The following EHBP1 variants were observed in gnomAD, a reference collection of about 807,000 sequenced individuals.
EHBP1 encodes EH domain binding protein 1.
In EHBP1, 55 loss-of-function variants were observed where a neutral mutation model predicts 144.0. The observed-to-expected ratio is 0.38, with a 90% CI of 0.31 to 0.48. EHBP1 has a LOEUF of 0.48. Ranked by LOEUF, EHBP1 falls within the 20% of genes least tolerant of loss-of-function variation. EHBP1 has a pLI of 0.98. For synonymous variants in EHBP1, 469 were observed against 472.7 expected (o/e 0.99, Z 0.10); for missense variants, 1,200 against 1,364.2 (o/e 0.88, Z 1.90).
chr2:62,765,226 A>G (rs985816904), intron 4 of EHBP1, among the ~76,000 whole-genome samples: 2 of 152,102 alleles, frequency 1.3e-5, no homozygotes, highest in East Asian at 3.8e-4. Flanking sequence ...AATGAACATC[A>G]TTGCTGCTTA....
At chr2:62,726,919 G>A (rs562012425) in intron 2 of EHBP1, among the ~76,000 whole-genome samples, 2 of 151,926 alleles carry the variant, frequency 1.3e-5, no homozygotes, top group South Asian at 4.1e-4. Flanking sequence ...CTGGAGTGCA[G>A]TGGTGCGATC....
intron 10 of EHBP1, among the ~76,000 whole-genome samples, chr2:62,925,439 A>G (rs1280029156): frequency 6.6e-6 from 1 of 152,140 alleles, no homozygotes; most frequent in African/African-American, 2.4e-5. Flanking sequence ...TTATATGTAG[A>G]AAAACCAGAA....
chr2:62,836,208 G>A (rs1237251310), intron 7 of EHBP1, among the ~76,000 whole-genome samples: 1 of 152,070 alleles, frequency 6.6e-6, no homozygotes, highest in Admixed American at 6.5e-5. Flanking sequence ...AGCCTAACTG[G>A]GAGGCACCCC....
chr2:62,695,744 A>T (rs2034065208), intron 1 of EHBP1, among the ~76,000 whole-genome samples: 1 of 152,076 alleles, frequency 6.6e-6, no homozygotes, highest in African/African-American at 2.4e-5. Context: ...ACAGAGTCTC[A>T]CTCTGTCTCC....
intron 5 of EHBP1, among the ~76,000 whole-genome samples, chr2:62,780,528 AT>A (rs1317867866): frequency 6.6e-6 from 1 of 152,036 alleles, no homozygotes; most frequent in Non-Finnish European, 1.5e-5. Flanking sequence ...TAATTCAGAA[AT>A]TTTTCAGATT....
chr2:62,987,955 A>C (rs1425363438), intron 15 of EHBP1: 23 of 1,596,906 alleles, frequency 1.4e-5, no homozygotes, highest in Non-Finnish European at 2.0e-5. Context: ...ATTGAGATAG[A>C]TACTAACGAG....
intron 1 of EHBP1, among the ~76,000 whole-genome samples, chr2:62,693,223 T>C (rs924366252): frequency 2.0e-5 from 3 of 152,192 alleles, no homozygotes; most frequent in African/African-American, 7.2e-5. Context: ...TAGTACTCCA[T>C]TGTGTATAAC....
At chr2:62,743,208 A>G (rs987660680) in intron 2 of EHBP1, among the ~76,000 whole-genome samples, 1 of 152,126 alleles carries the variant, frequency 6.6e-6, no homozygotes, top group Non-Finnish European at 1.5e-5. Flanking sequence ...ATTTTCTAGT[A>G]AATAGACATA....
chr2:62,719,423 A>G (rs1263437353), intron 2 of EHBP1, among the ~76,000 whole-genome samples: 3 of 151,826 alleles, frequency 2.0e-5, no homozygotes, highest in Non-Finnish European at 4.4e-5. Flanking sequence ...CCTTGTTTCC[A>G]TCCTTTGCTG....
chr2:62,752,371 C>T (rs999806127), intron 3 of EHBP1, among the ~76,000 whole-genome samples: 1 of 152,160 alleles, frequency 6.6e-6, no homozygotes, highest in East Asian at 1.9e-4. Flanking sequence ...TGTTCTTTTA[C>T]ATTTGCTGAG....
intron 3 of EHBP1, among the ~76,000 whole-genome samples, chr2:62,762,581 A>G (rs1226478426): frequency 1.3e-5 from 2 of 152,158 alleles, no homozygotes; most frequent in Non-Finnish European, 2.9e-5. Context: ...CCTTTCTTCT[A>G]TAAGGTAGAA....
chr2:62,756,438 A>T (rs1297424023), intron 3 of EHBP1, among the ~76,000 whole-genome samples: 1 of 152,168 alleles, frequency 6.6e-6, no homozygotes, highest in Admixed American at 6.6e-5. Context: ...TTCTTGTGAA[A>T]AGTTAGTATG....
intron 5 of EHBP1, among the ~76,000 whole-genome samples, chr2:62,792,822 G>A (rs2043255388): frequency 6.6e-6 from 1 of 151,846 alleles, no homozygotes; most frequent in African/African-American, 2.4e-5. Context: ...AGTGTTATTA[G>A]TTTTATGACT....
chr2:62,691,185 C>A (rs1391519792), intron 1 of EHBP1, among the ~76,000 whole-genome samples: 1 of 152,104 alleles, frequency 6.6e-6, no homozygotes, highest in Non-Finnish European at 1.5e-5. Context: ...AAAATCCCAC[C>A]AAAATAACTT....
At chr2:62,980,716 C>T (rs375157002) in intron 15 of EHBP1, among the ~76,000 whole-genome samples, 2 of 151,868 alleles carry the variant, frequency 1.3e-5, no homozygotes, top group African/African-American at 2.4e-5. Context: ...CAGTGCCTCA[C>T]GCCTGTAATC....
intron 3 of EHBP1, among the ~76,000 whole-genome samples, chr2:62,752,624 G>C (rs9678329): frequency 0.34 from 52,122 of 151,958 alleles, 9,003 homozygotes; most frequent in Middle Eastern, 0.53. Context: ...AAGTCTCTTT[G>C]TAGGTCTCTA....
At chr2:62,852,387 C>A (rs1178506000) in intron 7 of EHBP1, among the ~76,000 whole-genome samples, 1 of 151,972 alleles carries the variant, frequency 6.6e-6, no homozygotes, top group Admixed American at 6.5e-5. Context: ...GCCTTTCCTA[C>A]TGCTTCATAA....
At chr2:62,855,407 T>G (rs1354961854) in intron 7 of EHBP1, among the ~76,000 whole-genome samples, 1 of 152,058 alleles carries the variant, frequency 6.6e-6, no homozygotes, top group Non-Finnish European at 1.5e-5. Context: ...CAGGCACCCA[T>G]TGGCACCTAC....
At position 62,993,867 on chromosome 2, in the gene EHBP1, T is replaced by TAAGA; in HGVS notation, c.2873-3_2873dup. 6.5e-7 allele frequency: 1 copy of TAAGA among 1,528,800 alleles called. No individual in the cohort carries two copies. Among genetic ancestry groups the TAAGA allele is most frequent in the Non-Finnish European group, 8.8e-7 (1 of 1,139,508 alleles). 94.7% of individuals were successfully genotyped at this position (1,528,800 alleles called of 1,614,324 possible). On this transcript the variant is annotated splice_region_variant and splice_polypyrimidine_tract_variant and intron_variant, in intron 17 of 22. Coordinates refer to ENST00000431489, the MANE Select transcript of EHBP1 (RefSeq NM_001142616.3). ...TTACATGTCTTTCCTCTTTTTTTTT[T>TAAGA]AAGAGATGAAAAGGCAGAGATCAAT...
Sources: allele counts gnomAD v4.1 joint callset (sites outside exome capture counted in the v4.1 genomes callset), GRCh38; gene constraint gnomAD v4.1.1; transcripts MANE v1.5; gene names NCBI Gene and HGNC (gene_info 2026-07-23, HGNC 2026-07-21).